The following ITPR1 variants were observed in gnomAD, a reference collection of about 807,000 sequenced individuals.
ITPR1 encodes inositol 1,4,5-trisphosphate receptor type 1.
In ITPR1, 96 loss-of-function variants were observed where a neutral mutation model predicts 318.4. The observed-to-expected ratio is 0.30, with a 90% CI of 0.26 to 0.36. The LOEUF (loss-of-function observed/expected upper bound fraction) is 0.36. Among genes scored for constraint, ITPR1 ranks in the 10% least tolerant of loss-of-function variants. The pLI is 1.00. For synonymous variants in ITPR1, 1,312 were observed against 1,289.9 expected, an observed-to-expected ratio of 1.02 and a Z score of -0.37; for missense variants, 2,440 against 3,460.2, an observed-to-expected ratio of 0.71 and a Z score of 7.40.
intron 4 of ITPR1, among the ~76,000 whole-genome samples, chr3:4,606,653 C>G (rs534622201): frequency 4.6e-4 from 70 of 152,198 alleles, no homozygotes; most frequent in African/African-American, 1.6e-3. Context: ...ATGTATTCGT[C>G]TCATGCTCAG....
intron 30 of ITPR1, among the ~76,000 whole-genome samples, chr3:4,687,379 G>A (rs1374931239): frequency 6.6e-6 from 1 of 152,142 alleles, no homozygotes; most frequent in African/African-American, 2.4e-5. Context: ...CATGAAGTGT[G>A]CACTTTTGTT....
chr3:4,825,913 T>C, intron 60 of ITPR1: 1 of 396,172 alleles, frequency 2.5e-6, no homozygotes, highest in Non-Finnish European at 5.1e-6. Flanking sequence ...GGGGAAAAGA[T>C]GGTGGCAGCA....
chr3:4,620,680 G>GTTTT (rs66922925), intron 4 of ITPR1, among the ~76,000 whole-genome samples: 2 of 128,156 alleles, frequency 1.6e-5, no homozygotes, highest in Non-Finnish European at 1.6e-5. Flanking sequence ...TTCTTTGTGG[G>GTTTT]TTTTTTTTTT....
chr3:4,617,549 C>G (rs1017764081), intron 4 of ITPR1, among the ~76,000 whole-genome samples: 5 of 152,300 alleles, frequency 3.3e-5, no homozygotes, highest in African/African-American at 1.2e-4. Flanking sequence ...ATCCCAATAC[C>G]ATTACATTGA....
At chr3:4,608,743 T>TA (rs2091873529) in intron 4 of ITPR1, among the ~76,000 whole-genome samples, 1 of 151,928 alleles carries the variant, frequency 6.6e-6, no homozygotes, top group Non-Finnish European at 1.5e-5. Context: ...GGCTCATGCC[T>TA]ATAATCCCAG....
At chr3:4,567,822 G>T (rs13088247) in intron 4 of ITPR1, among the ~76,000 whole-genome samples, 148,342 of 152,238 alleles carry the variant, frequency 0.97, 72,299 homozygotes, top group East Asian at 1. Flanking sequence ...CAGGCTAGTC[G>T]TGAATTCCTG....
intron 35 of ITPR1, among the ~76,000 whole-genome samples, chr3:4,700,825 A>G (rs1327964496): frequency 1.3e-5 from 2 of 152,356 alleles, no homozygotes; most frequent in African/African-American, 4.8e-5. Flanking sequence ...CCTCACAGTC[A>G]TGGTGGAGGG....
intron 46 of ITPR1, 127 bp downstream of exon 46, chr3:4,768,891 TTTTTTCC>T (rs2045994314): frequency 3.4e-6 from 3 of 878,010 alleles, no homozygotes; most frequent in Middle Eastern, 5.5e-4. Flanking sequence ...CAAGGTTCTT[TTTTTTCC>T]TTTTTCTTTT....
intron 4 of ITPR1, among the ~76,000 whole-genome samples, chr3:4,561,010 C>T (rs1393305100): frequency 6.6e-6 from 1 of 152,120 alleles, no homozygotes; most frequent in Non-Finnish European, 1.5e-5. Flanking sequence ...TGACTTAGGT[C>T]CTGTGTTCAT....
At chr3:4,745,327 A>G (rs1368838794) in intron 44 of ITPR1, among the ~76,000 whole-genome samples, 2 of 152,068 alleles carry the variant, frequency 1.3e-5, no homozygotes, top group East Asian at 1.9e-4. Flanking sequence ...ACTATCTTTC[A>G]ACACAGATTC....
intron 61 of ITPR1, 93 bp downstream of exon 61, chr3:4,837,028 G>A: frequency 7.8e-6 from 9 of 1,160,986 alleles, no homozygotes; most frequent in Non-Finnish European, 9.3e-6. Context: ...AAAATCAGTA[G>A]TGCTTCATCT....
At chr3:4,635,402 A>G (rs914093232) in intron 5 of ITPR1, among the ~76,000 whole-genome samples, 7 of 151,804 alleles carry the variant, frequency 4.6e-5, no homozygotes, top group African/African-American at 1.2e-4. Flanking sequence ...GTGCAGTGGC[A>G]CGATCTCGGC....
At chr3:4,508,355 C>T (rs1417685587) in intron 2 of ITPR1, among the ~76,000 whole-genome samples, 1 of 151,934 alleles carries the variant, frequency 6.6e-6, no homozygotes, top group Non-Finnish European at 1.5e-5. Context: ...ATTAAGTGAT[C>T]CCTTAGGTAA....
intron 40 of ITPR1, among the ~76,000 whole-genome samples, chr3:4,718,797 T>C (rs1337860435): frequency 3.3e-5 from 5 of 152,218 alleles, no homozygotes; most frequent in African/African-American, 1.2e-4. Context: ...CAGGGAATTT[T>C]GCCGTTTCCT....
At chr3:4,828,546 C>T (rs1193035664) in intron 60 of ITPR1, among the ~76,000 whole-genome samples, 1 of 152,134 alleles carries the variant, frequency 6.6e-6, no homozygotes, top group Non-Finnish European at 1.5e-5. Context: ...AGCCTAGGTG[C>T]CCAGGACCCA....
chr3:4,793,365 C>T (rs1016607285), intron 52 of ITPR1, among the ~76,000 whole-genome samples: 3 of 152,168 alleles, frequency 2.0e-5, no homozygotes, highest in South Asian at 2.1e-4. Context: ...TTTTCTTCCC[C>T]CCAACTTTGT....
intron 4 of ITPR1, among the ~76,000 whole-genome samples, chr3:4,574,196 ATCT>A (rs1179633267): frequency 2.7e-5 from 4 of 149,642 alleles, no homozygotes; most frequent in African/African-American, 9.8e-5. Context: ...TAGATGCCTT[ATCT>A]TCTTTTTTTT....
intron 51 of ITPR1, among the ~76,000 whole-genome samples, chr3:4,784,614 C>T (rs891554138): frequency 6.7e-6 from 1 of 148,890 alleles, no homozygotes; most frequent in Admixed American, 6.7e-5. Context: ...GGCACAGTGG[C>T]TCATGCCTGT....
chr3:4,660,537 A>G (rs73110406), intron 13 of ITPR1, among the ~76,000 whole-genome samples: 6,929 of 152,270 alleles, frequency 0.046, 185 homozygotes, highest in South Asian at 0.066. Flanking sequence ...ATATGATTCA[A>G]AAGGCTTTCC....
Sources: gnomAD v4.1 joint callset for allele counts (sites outside exome capture counted in the v4.1 genomes callset) on GRCh38, gnomAD v4.1.1 for gene constraint, MANE v1.5 for transcripts, NCBI Gene and HGNC (gene_info 2026-07-23, HGNC 2026-07-21) for gene names.